CLEC16A: variants seen among roughly 807,000 people sequenced by gnomAD.
CLEC16A encodes protein CLEC16A.
A neutral mutation model predicts 109.5 loss-of-function variants in CLEC16A; 51 were observed. The observed-to-expected ratio is 0.47, with a 90% CI of 0.37 to 0.59. The LOEUF is 0.59. CLEC16A is among the 20% of genes least tolerant of loss of function. CLEC16A has a pLI of 0.00. For synonymous variants in CLEC16A, 673 were observed against 564.2 expected (o/e 1.19, Z -2.73); for missense variants, 1,339 against 1,394.0 (o/e 0.96, Z 0.63).
chr16:11,126,193 G>A (rs1188244147), intron 22 of CLEC16A, 47 bp downstream of exon 22: 2 of 1,611,366 alleles, frequency 1.2e-6, no homozygotes, highest in Non-Finnish European at 8.5e-7. Context: ...ATCATGGTGG[G>A]CGTTCAAGGT....
intron 11 of CLEC16A, among the ~76,000 whole-genome samples, chr16:11,015,062 GACCTATAAGGGTTGTTTCAGT>G (rs1387849806): frequency 6.6e-5 from 10 of 152,216 alleles, no homozygotes; most frequent in African/African-American, 2.4e-4. Context: ...GGAATTGGCA[GACCTATAAGGGTTGTTTCAGT>G]ACCTATAAGG....
At chr16:11,102,605 G>T (rs898634250) in intron 19 of CLEC16A, among the ~76,000 whole-genome samples, 1 of 152,152 alleles carries the variant, frequency 6.6e-6, no homozygotes, top group Non-Finnish European at 1.5e-5. Flanking sequence ...AGTCCCAACC[G>T]CTTCATTTGA....
Position 10,961,271 on chromosome 16 carries a change from G to T in CLEC16A, c.210-1184G>T, listed in dbSNP as rs1052019874. Among the ~76,000 whole-genome samples, 2 of 152,078 alleles carry T rather than the reference G, an allele frequency of 1.3e-5. No individual in the cohort carries two copies. The highest frequency in any genetic ancestry group is 6.5e-5 in the Admixed American group (1 of 15,268). On this transcript the variant is annotated intron_variant, in intron 2 of 23. Coordinates refer to ENST00000409790, the MANE Select transcript of CLEC16A (RefSeq NM_015226.3). This position sits in a 1 kb window ranked among gnomAD's most constrained non-coding sequence, Gnocchi z 4.3. ...CCTCCGAGTTGGAGAAGATTGTAAG[G>T]GTCTTTTTTAGGCCATTTAAATTTT...
At chr16:11,133,053 G>A (rs2053324359) in intron 22 of CLEC16A, among the ~76,000 whole-genome samples, 1 of 152,138 alleles carries the variant, frequency 6.6e-6, no homozygotes, top group African/African-American at 2.4e-5. Flanking sequence ...TTCACTTCCT[G>A]TCCCAGCTTC....
In CLEC16A at chr16:11,181,114, AAGG is replaced by A. The variant is rs1478798623; in HGVS notation, c.*2428_*2430del. On this transcript the variant is annotated 3_prime_UTR_variant, in exon 24 of 24. Transcript: ENST00000409790. ...GGGCTCCCAGAAGCTTTGCTTATGT[AAGG>A]AGGTCTGGGAGCCAGCCCATTGGAG... The A allele has an allele frequency of 6.6e-6, 1 of 152,198 alleles. No individual in the cohort carries two copies. The highest frequency in any genetic ancestry group is 1.5e-5 in the Non-Finnish European group (1 of 68,066). 9.4% of individuals were successfully genotyped at this position (152,198 alleles called of 1,614,324 possible).
rs555591433 is a variant in CLEC16A at position 11,003,091 on chromosome 16, G to A, written c.1089G>A (p.Arg363=). 9 of 1,609,762 alleles carry A rather than the reference G, an allele frequency of 5.6e-6. No homozygotes were observed. Among genetic ancestry groups the A allele is most frequent in the African/African-American group, 5.4e-5 (4 of 73,816 alleles). ...TTTCCTAGGCCAAGCCCAGCATTCG[G>A]TGCTTCATTAAACCCACCGAGACAC... The part of the protein sequence containing the change: ...IQRSSAKPSI[R]CFIKPTETLE... Residue 363 remains arginine (R), a synonymous_variant, in exon 11 of 24, where the codon CGG becomes CGA. Coordinates refer to ENST00000409790, the MANE Select transcript of CLEC16A (RefSeq NM_015226.3).
chr16:11,083,537 G>C (rs9931397), intron 19 of CLEC16A, among the ~76,000 whole-genome samples: 59,141 of 152,044 alleles, frequency 0.39, 12,425 homozygotes, highest in African/African-American at 0.56. Flanking sequence ...CAGGTAGCAC[G>C]TGACCCCAGG....
At chr16:11,040,948 G>T (rs2047302610) in intron 14 of CLEC16A, 1 of 152,202 alleles carries the variant, frequency 6.6e-6, no homozygotes, top group Non-Finnish European at 1.5e-5. Context: ...ACCTATCGTG[G>T]TCTCTGATGT....
intron 1 of CLEC16A, among the ~76,000 whole-genome samples, chr16:10,957,094 G>C (rs1312618937): frequency 6.6e-6 from 1 of 152,208 alleles, no homozygotes; most frequent in Non-Finnish European, 1.5e-5. Context: ...ACCGCTCCCA[G>C]CCAGCCCATT....
rs1378944958 is a variant in CLEC16A at position 11,126,894 on chromosome 16, A to T, written c.2641+748A>T. On this transcript the variant is annotated intron_variant, in intron 22 of 23. Transcript: ENST00000409790. ...ATATAGGGCTTCAAACTTAAGTTGC[A>T]AGTGTTGTGAAATGTTTTCAAAAGC... is the stretch of plus-strand genomic sequence containing the variant. 3 of 152,222 alleles carry T rather than the reference A, an allele frequency of 2.0e-5. 1 individual carries two copies. Among genetic ancestry groups the T allele is most frequent in the Non-Finnish European group, 2.9e-5 (2 of 68,044 alleles). 9.4% of individuals were successfully genotyped at this position (152,222 alleles called of 1,614,324 possible). A position where few individuals can be genotyped will look rare whatever the true frequency, so the allele number is the denominator to read the frequency against.
At chr16:11,031,751 G>C (rs2046754513) in intron 13 of CLEC16A, among the ~76,000 whole-genome samples, 1 of 152,156 alleles carries the variant, frequency 6.6e-6, no homozygotes, top group Non-Finnish European at 1.5e-5. Flanking sequence ...CCCATGTAGC[G>C]AGAAGTGCAA....
At chr16:10,972,124 G>GA (rs1292146049) in intron 5 of CLEC16A, among the ~76,000 whole-genome samples, 2 of 152,086 alleles carry the variant, frequency 1.3e-5, no homozygotes, top group African/African-American at 2.4e-5. Context: ...CTTAGTTTTT[G>GA]AAAAAATGTG....
chr16:10,994,990 A>G (rs1482490122), intron 10 of CLEC16A, among the ~76,000 whole-genome samples: 2 of 152,182 alleles, frequency 1.3e-5, no homozygotes. Flanking sequence ...CCTGGGTTCA[A>G]ATCCTGCCTC....
rs575530704 is a variant in CLEC16A at position 11,042,442 on chromosome 16, G to C, written c.1770+79G>C. Reference sequence around the variant, plus strand: ...ACAGGAGGGAAGCTGCTGGCATCCAGATAGGAGCCCTGGCCCGTGGTGTCA... The same window carrying C: ...ACAGGAGGGAAGCTGCTGGCATCCACATAGGAGCCCTGGCCCGTGGTGTCA... On this transcript the variant is annotated intron_variant, in intron 15 of 23. Transcript: ENST00000409790. 5.0e-4 allele frequency: 581 copies of C among 1,160,370 alleles called. 1 individual carries two copies. The African/African-American group carries it at 8.1e-3, about 16-fold the overall frequency. The allele number at this position is 1,160,370 out of a possible 1,614,324, so 71.9% of individuals were successfully genotyped here.
chr16:11,122,447 G>C (rs934784808), intron 20 of CLEC16A, among the ~76,000 whole-genome samples: 2 of 152,084 alleles, frequency 1.3e-5, no homozygotes, highest in African/African-American at 2.4e-5. Context: ...ATTAATATGT[G>C]TCTTCCATCA....
intron 10 of CLEC16A, among the ~76,000 whole-genome samples, chr16:10,999,338 C>G (rs2044522091): frequency 6.6e-6 from 1 of 152,206 alleles, no homozygotes; most frequent in African/African-American, 2.4e-5. Context: ...CACAGTGCCA[C>G]TGCTTTTTTT....
intron 11 of CLEC16A, among the ~76,000 whole-genome samples, chr16:11,016,851 TAGAA>T (rs1371817722): frequency 2.6e-5 from 4 of 152,106 alleles, no homozygotes; most frequent in Non-Finnish European, 5.9e-5. Flanking sequence ...ACACACCACT[TAGAA>T]AGCACTGTTG....
Position 11,126,521 on chromosome 16 carries a change from G to A in CLEC16A, c.2641+375G>A. The A allele has an allele frequency of 2.5e-6, 2 of 800,934 alleles. 1 individual carries two copies. Among genetic ancestry groups the A allele is most frequent in the East Asian group, 6.4e-5 (2 of 31,182 alleles). 49.6% of individuals were successfully genotyped at this position (800,934 alleles called of 1,614,324 possible). A position where few individuals can be genotyped will look rare whatever the true frequency, so the allele number is the denominator to read the frequency against. Reference sequence around the variant, plus strand: ...GAAAGAGAGAGTGTGTTTGGTTCCGGTTACAACCCCCTGAAGAAGTGAGAC... The same window carrying A: ...GAAAGAGAGAGTGTGTTTGGTTCCGATTACAACCCCCTGAAGAAGTGAGAC... On this transcript the variant is annotated intron_variant, in intron 22 of 23. Transcript: ENST00000409790.
rs16957853 is a variant in CLEC16A at position 10,976,371 on chromosome 16, T to G, written c.729-854T>G. 8.0e-3 allele frequency among the ~76,000 whole-genome samples: 1,219 copies of G among 151,794 alleles called. 12 individuals carry two copies. The highest frequency in any genetic ancestry group is 0.028 in the African/African-American group (1,144 of 41,298). On this transcript the variant is annotated intron_variant, in intron 7 of 23. Coordinates refer to ENST00000409790, the MANE Select transcript of CLEC16A (RefSeq NM_015226.3). ...CTTTTTTTTTTTCAAGTATATACAG[T>G]TAGACGGATAGAAATGTGACATCTA...
Sources: allele counts gnomAD v4.1 joint callset (sites outside exome capture counted in the v4.1 genomes callset), GRCh38; gene constraint gnomAD v4.1.1; non-coding constraint Gnocchi (gnomAD v3.1); transcripts MANE v1.5; gene names NCBI Gene and HGNC (gene_info 2026-07-23, HGNC 2026-07-21).